VAV2: variants seen among roughly 807,000 people sequenced by gnomAD.
The protein encoded by VAV2 is vav guanine nucleotide exchange factor 2.
Under a neutral mutation model 132.5 loss-of-function variants are expected in VAV2, and 67 were observed. That is an observed-to-expected ratio of 0.51 (90% confidence interval 0.42 to 0.62). The LOEUF (loss-of-function observed/expected upper bound fraction) is 0.62, where lower values mean the gene tolerates loss of function less well. VAV2 is among the 20% of genes least tolerant of loss of function. VAV2 has a pLI of 0.00. For missense variants in VAV2, 938 were observed against 1,153.6 expected (o/e 0.81, Z 2.71); for synonymous variants, 492 against 443.5 (o/e 1.11, Z -1.37).
chr9:133,967,276 G>A (rs971413046), intron 1 of VAV2, among the ~76,000 whole-genome samples: 5 of 152,096 alleles, frequency 3.3e-5, no homozygotes, highest in African/African-American at 1.2e-4. Flanking sequence ...GCAAGGATGT[G>A]GAGAAAGGGG....
At chr9:133,846,572 C>T (rs1010338677) in intron 3 of VAV2, among the ~76,000 whole-genome samples, 10 of 138,758 alleles carry the variant, frequency 7.2e-5, no homozygotes, top group Admixed American at 2.9e-4. Flanking sequence ...TGCCCTGGCC[C>T]CGGCCGCTCT....
intron 1 of VAV2, among the ~76,000 whole-genome samples, chr9:133,970,497 G>A (rs1842293387): frequency 6.6e-6 from 1 of 152,106 alleles, no homozygotes; most frequent in African/African-American, 2.4e-5. Context: ...CAGAGGCGTG[G>A]CAGTGGCGAT....
chr9:133,785,334 G>A (rs1473372752), intron 17 of VAV2, among the ~76,000 whole-genome samples: 1 of 152,208 alleles, frequency 6.6e-6, no homozygotes, highest in Non-Finnish European at 1.5e-5. Context: ...TAGGATATGA[G>A]TCCTCTTGGA....
chr9:133,961,114 G>A lies in VAV2; in HGVS notation c.205-21895C>T, dbSNP rs930529274. ...GCCCCAAGCTCTCCAGGTGGGAGCT[G>A]CTGAGCGCTTTTAGTTAGCCCAACA... is the stretch of plus-strand genomic sequence containing the variant. On this transcript the variant is annotated intron_variant, in intron 1 of 29. Transcript: ENST00000371850. The surrounding 1 kb of genome is among the most constrained non-coding windows in gnomAD (Gnocchi z 4.1). Among the ~76,000 whole-genome samples, 9 of 152,254 alleles carry A rather than the reference G, an allele frequency of 5.9e-5. No individual in the cohort carries two copies. Among genetic ancestry groups the A allele is most frequent in the African/African-American group, 9.6e-5 (4 of 41,474 alleles).
intron 9 of VAV2, among the ~76,000 whole-genome samples, chr9:133,800,510 C>T (rs1834888465): frequency 6.6e-6 from 1 of 152,226 alleles, no homozygotes; most frequent in Non-Finnish European, 1.5e-5. Context: ...TGCCTGACTT[C>T]CCACCAGGCC....
intron 3 of VAV2, chr9:133,861,150 G>C (rs951909762): frequency 2.1e-6 from 1 of 476,616 alleles, no homozygotes; most frequent in Non-Finnish European, 3.7e-6. Context: ...TTTTGCAGCC[G>C]TCAGTAACAT....
chr9:133,765,629 C>T (rs591866), intron 29 of VAV2, among the ~76,000 whole-genome samples: 58,265 of 152,066 alleles, frequency 0.38, 11,758 homozygotes, highest in Non-Finnish European at 0.44. Flanking sequence ...TGATCCTGGA[C>T]TGGATCCAGG....
chr9:133,985,226 TTG>T (rs59748267), intron 1 of VAV2, among the ~76,000 whole-genome samples: 20,342 of 136,900 alleles, frequency 0.15, 1,556 homozygotes, highest in East Asian at 0.33. Flanking sequence ...TCTTGCCTTA[TTG>T]TGTGTGTGTG....
At position 133,785,604 on chromosome 9, in the gene VAV2, T is replaced by C. The variant is rs114217013; in HGVS notation, c.1532+172A>G. On this transcript the variant is annotated intron_variant, in intron 17 of 29. Transcript: ENST00000371850. ...GACTGATTGTTAAAGAGGATGTCAC[T>C]GCTTGAGGCTGGCGTCCCAGGGGTG... Among the ~76,000 whole-genome samples the C allele has an allele frequency of 0.015, 2,211 of 152,282 alleles. 57 individuals carry two copies. Among genetic ancestry groups the C allele is most frequent in the African/African-American group, 0.05 (2,083 of 41,544 alleles).
At chr9:133,933,788 G>T (rs1011913088) in intron 2 of VAV2, among the ~76,000 whole-genome samples, 2 of 148,014 alleles carry the variant, frequency 1.4e-5, no homozygotes, top group African/African-American at 5.0e-5. Context: ...ATGGATGGAC[G>T]GATGGTGGAT....
At chr9:133,965,903 A>G (rs1842126072) in intron 1 of VAV2, among the ~76,000 whole-genome samples, 1 of 152,208 alleles carries the variant, frequency 6.6e-6, no homozygotes, top group African/African-American at 2.4e-5. Context: ...CTACAGCAAC[A>G]AAAGCAGCAT....
rs754031358 is a variant in VAV2, at chr9:133,840,910, C to T, written c.381-6570G>A. ...TCCAGAGGGAGGGGCACATTGGACG[C>T]GCAGGGGTCTCCAAGCTGAGGGTAG... is the stretch of plus-strand genomic sequence containing the variant. On this transcript the variant is annotated intron_variant, in intron 3 of 29. Transcript: ENST00000371850. This position sits in a 1 kb window ranked among gnomAD's most constrained non-coding sequence, Gnocchi z 4.5. Among the ~76,000 whole-genome samples, 2 of 152,222 alleles carry T rather than the reference C, an allele frequency of 1.3e-5. No homozygotes were observed. The highest frequency in any genetic ancestry group is 4.2e-4 in the South Asian group (2 of 4,818).
At chr9:133,972,235 T>C (rs947469254) in intron 1 of VAV2, among the ~76,000 whole-genome samples, 2 of 152,206 alleles carry the variant, frequency 1.3e-5, no homozygotes, top group African/African-American at 2.4e-5. Context: ...ACGTGGTTTT[T>C]CACTCCCAGA....
chr9:133,826,952 C>T lies in VAV2; in HGVS notation c.449+7320G>A, dbSNP rs879375798. ...TCACGGCGCTCTGTGGCACCCAATC[C>T]GGGTGCCCTTTCCAAATCCTCCTCC... On this transcript the variant is annotated intron_variant, in intron 4 of 29. Transcript: ENST00000371850. This position sits in a 1 kb window ranked among gnomAD's most constrained non-coding sequence, Gnocchi z 4.2. 1.2e-4 allele frequency among the ~76,000 whole-genome samples: 18 copies of T among 152,258 alleles called. No homozygotes were observed. Among genetic ancestry groups the T allele is most frequent in the South Asian group, 4.2e-4 (2 of 4,818 alleles).
At chr9:133,891,653 TGGAGGGG>T (rs1467020448) in intron 2 of VAV2, among the ~76,000 whole-genome samples, 4 of 1,238 alleles carry the variant, frequency 3.2e-3, no homozygotes, top group Admixed American at 6.6e-3. Flanking sequence ...GGGGGAGGGA[TGGAGGGG>T]GAAGCGGGAG....
chr9:133,967,347 G>C (rs887748290), intron 1 of VAV2, among the ~76,000 whole-genome samples: 6 of 152,168 alleles, frequency 3.9e-5, no homozygotes, highest in African/African-American at 1.2e-4. Flanking sequence ...AAACAGTACA[G>C]AGGGTCCTCA....
rs189471410 is a variant in VAV2, at chr9:133,767,926, G to C, written c.2589+516C>G. ...GCCACAGACATATGCAGAATCTTAGGGTGGCCAGGGCACTCTTAGGCCCAC... is the reference window on the plus strand; with the variant it reads ...GCCACAGACATATGCAGAATCTTAGCGTGGCCAGGGCACTCTTAGGCCCAC... On this transcript the variant is annotated intron_variant, in intron 29 of 29. Coordinates refer to ENST00000371850, the MANE Select transcript of VAV2 (RefSeq NM_001134398.2). 1.9e-3 allele frequency among the ~76,000 whole-genome samples: 283 copies of C among 152,272 alleles called. 1 individual carries two copies. Among genetic ancestry groups the C allele is most frequent in the Admixed American group, 0.017 (262 of 15,302 alleles).
intron 1 of VAV2, among the ~76,000 whole-genome samples, chr9:133,968,058 G>A (rs1338699546): frequency 2.6e-5 from 4 of 152,028 alleles, no homozygotes; most frequent in East Asian, 1.9e-4. Flanking sequence ...TGGGTGGGGC[G>A]ACAGGAAAGT....
In VAV2 at chr9:133,834,801, G is replaced by T. The variant is rs1359419069; in HGVS notation, c.381-461C>A. ...AGGAAGCAGGAGGGGACTCCGGAAG[G>T]GAGGGGTGACTTCTGAGGCACTGAG... On this transcript the variant is annotated intron_variant, in intron 3 of 29. Coordinates refer to ENST00000371850, the MANE Select transcript of VAV2 (RefSeq NM_001134398.2). The surrounding 1 kb of genome is among the most constrained non-coding windows in gnomAD (Gnocchi z 5.9). 1.3e-5 allele frequency among the ~76,000 whole-genome samples: 2 copies of T among 152,208 alleles called. No individual in the cohort carries two copies. Among genetic ancestry groups the T allele is most frequent in the African/African-American group, 4.8e-5 (2 of 41,454 alleles).
Sources: gnomAD v4.1 joint callset for allele counts (sites outside exome capture counted in the v4.1 genomes callset) on GRCh38, gnomAD v4.1.1 for gene constraint, Gnocchi (gnomAD v3.1) non-coding constraint, MANE v1.5 for transcripts, NCBI Gene and HGNC (gene_info 2026-07-23, HGNC 2026-07-21) for gene names.